CCDC25: variants seen among roughly 807,000 people sequenced by gnomAD.
The protein encoded by CCDC25 is coiled-coil domain containing 25.
A neutral mutation model predicts 35.3 loss-of-function variants in CCDC25; 16 were observed. The ratio of observed to expected loss-of-function variants is 0.45; its 90% CI spans 0.31 to 0.69. The LOEUF (loss-of-function observed/expected upper bound fraction) is 0.69. Ranked by LOEUF, CCDC25 falls within the 30% of genes least tolerant of loss-of-function variation. CCDC25 has a pLI of 0.06. For missense variants in CCDC25, 179 were observed against 250.7 expected, an observed-to-expected ratio of 0.71 and a Z score of 1.93; for synonymous variants, 79 against 80.3, an observed-to-expected ratio of 0.98 and a Z score of 0.09.
At position 27,740,349 on chromosome 8, in the gene CCDC25, T is replaced by C. The variant is rs1024265688; in HGVS notation, c.597+123A>G. The C allele has an allele frequency of 2.5e-5, 22 of 864,784 alleles. No individual in the cohort carries two copies. The Admixed American group carries it at 3.5e-4, about 14-fold the overall frequency. The allele number at this position is 864,784 out of a possible 1,614,324, so 53.6% of individuals were successfully genotyped here. On this transcript the variant is annotated intron_variant, in intron 8 of 8. Transcript: ENST00000356537. ...AAAGAATCCAGCCTGAGTGGTGTCCTGGTTGCCAAATCATGGTTAGCTATT... is the reference window on the plus strand; with the variant it reads ...AAAGAATCCAGCCTGAGTGGTGTCCCGGTTGCCAAATCATGGTTAGCTATT...
chr8:27,752,032 G>A (rs1435805981), intron 5 of CCDC25, among the ~76,000 whole-genome samples: 2 of 152,052 alleles, frequency 1.3e-5, no homozygotes, highest in African/African-American at 4.8e-5. Flanking sequence ...CAATTTAAGA[G>A]GGAAAAAGTA....
At chr8:27,766,796 T>G (rs537800112) in intron 1 of CCDC25, among the ~76,000 whole-genome samples, 1 of 151,726 alleles carries the variant, frequency 6.6e-6, no homozygotes, top group South Asian at 2.1e-4. Context: ...GATTTGAACA[T>G]CCATAAACAA....
intron 5 of CCDC25, among the ~76,000 whole-genome samples, chr8:27,750,036 G>C (rs980533064): frequency 6.6e-6 from 1 of 152,194 alleles, no homozygotes; most frequent in Non-Finnish European, 1.5e-5. Flanking sequence ...ATCTCCATGT[G>C]CAAGGCACTG....
chr8:27,749,325 C>T (rs1479876375), intron 5 of CCDC25, among the ~76,000 whole-genome samples: 1 of 152,144 alleles, frequency 6.6e-6, no homozygotes, highest in Non-Finnish European at 1.5e-5. Context: ...AATTAGATGG[C>T]AAGGGATTTC....
intron 7 of CCDC25, 93 bp downstream of exon 7, chr8:27,747,984 C>T: frequency 8.0e-7 from 1 of 1,242,986 alleles, no homozygotes; most frequent in Non-Finnish European, 1.1e-6. Context: ...GTCCCTCCTT[C>T]CACCAATATA....
chr8:27,738,839 A>G (rs1803343356), intron 8 of CCDC25, among the ~76,000 whole-genome samples: 1 of 152,206 alleles, frequency 6.6e-6, no homozygotes, highest in South Asian at 2.1e-4. Flanking sequence ...AAACTGTTCC[A>G]ATAGTTTCAA....
intron 8 of CCDC25, among the ~76,000 whole-genome samples, chr8:27,740,208 A>G (rs901048326): frequency 2.0e-5 from 3 of 152,230 alleles, no homozygotes; most frequent in African/African-American, 7.2e-5. Flanking sequence ...TCCTGTAAAT[A>G]TAAAATGAAT....
Position 27,740,531 on chromosome 8 carries a change from A to C in CCDC25, c.552-14T>G, listed in dbSNP as rs765959748. 41 of 1,570,716 alleles carry C rather than the reference A, an allele frequency of 2.6e-5. No homozygotes were observed. Among genetic ancestry groups the C allele is most frequent in the South Asian group, 4.5e-5 (4 of 88,738 alleles). ...GATGAATAGCTCCTAGAAGGAAAAA[A>C]ACACACACACACATTTAAAATATGG... is the stretch of plus-strand genomic sequence containing the variant. On this transcript the variant is annotated splice_polypyrimidine_tract_variant and intron_variant, in intron 7 of 8. Transcript: ENST00000356537.
chr8:27,762,288 C>G, intron 3 of CCDC25, 131 bp downstream of exon 3: 1 of 737,066 alleles, frequency 1.4e-6, no homozygotes, highest in South Asian at 1.7e-5. Context: ...AATGAAGGAA[C>G]TGGCAGTCAG....
intron 1 of CCDC25, among the ~76,000 whole-genome samples, chr8:27,770,013 G>A (rs183621777): frequency 6.6e-5 from 10 of 152,232 alleles, no homozygotes; most frequent in Non-Finnish European, 1.3e-4. Context: ...GCATGGTGGC[G>A]TGTGCCTGTA....
chr8:27,757,035 A>AT (rs1804031901), intron 3 of CCDC25, among the ~76,000 whole-genome samples: 1 of 151,736 alleles, frequency 6.6e-6, no homozygotes, highest in Non-Finnish European at 1.5e-5. Flanking sequence ...GGGAAGGGTG[A>AT]TTTTTCAAGA....
At chr8:27,761,717 G>A (rs1804235272) in intron 3 of CCDC25, among the ~76,000 whole-genome samples, 1 of 152,140 alleles carries the variant, frequency 6.6e-6, no homozygotes, top group Non-Finnish European at 1.5e-5. Context: ...AGTGTTATAG[G>A]ACAGAAGCCC....
intron 5 of CCDC25, among the ~76,000 whole-genome samples, chr8:27,751,900 C>T (rs565054332): frequency 1.3e-5 from 2 of 152,172 alleles, no homozygotes; most frequent in East Asian, 3.9e-4. Context: ...CCATGCTGCA[C>T]AGGAGAATCA....
intron 8 of CCDC25, among the ~76,000 whole-genome samples, 167 bp downstream of exon 8, chr8:27,740,305 G>C (rs564198461): frequency 6.6e-6 from 1 of 152,318 alleles, no homozygotes; most frequent in African/African-American, 2.4e-5. Context: ...AGTCCACAGG[G>C]AAGGAGGTGC....
intron 8 of CCDC25, 109 bp downstream of exon 8, chr8:27,740,363 T>C: frequency 1.9e-6 from 2 of 1,068,304 alleles, no homozygotes; most frequent in Non-Finnish European, 2.8e-6. Flanking sequence ...TGCCAAATCA[T>C]GGTTAGCTAT....
At chr8:27,738,111 G>A (rs532247371) in intron 8 of CCDC25, among the ~76,000 whole-genome samples, 1 of 152,176 alleles carries the variant, frequency 6.6e-6, no homozygotes, top group Non-Finnish European at 1.5e-5. Flanking sequence ...GGGGACTTAG[G>A]GGGAAGAGTG....
intron 4 of CCDC25, chr8:27,754,667 T>G (rs567960239): frequency 1.3e-5 from 2 of 152,264 alleles, no homozygotes; most frequent in East Asian, 3.9e-4. Context: ...AGCTACATTT[T>G]CTTTATTTTC....
At chr8:27,742,141 C>A (rs903777402) in intron 7 of CCDC25, among the ~76,000 whole-genome samples, 1 of 152,016 alleles carries the variant, frequency 6.6e-6, no homozygotes, top group Admixed American at 6.6e-5. Flanking sequence ...TGAGACATGC[C>A]GCATTTGAAG....
At chr8:27,739,908 T>C (rs1011097984) in intron 8 of CCDC25, among the ~76,000 whole-genome samples, 6 of 152,302 alleles carry the variant, frequency 3.9e-5, no homozygotes, top group Middle Eastern at 3.4e-3. Context: ...TCTGACATAG[T>C]TCCAATCAAA....
Sources: allele counts gnomAD v4.1 joint callset (sites outside exome capture counted in the v4.1 genomes callset), GRCh38; gene constraint gnomAD v4.1.1; transcripts MANE v1.5; gene names NCBI Gene and HGNC (gene_info 2026-07-23, HGNC 2026-07-21).